The following BTD variants were observed in gnomAD, a reference collection of about 807,000 sequenced individuals.
BTD encodes biotinidase, also known as biocytinase.
A neutral mutation model predicts 17.7 loss-of-function variants in BTD; 13 were observed. The observed-to-expected ratio is 0.74, with a 90% CI of 0.48 to 1.17. The LOEUF (loss-of-function observed/expected upper bound fraction) is 1.17. BTD is among the 50% of genes most tolerant of loss of function. The pLI is 0.00. For missense variants in BTD, 674 were observed against 650.4 expected (o/e 1.04, Z -0.39); for synonymous variants, 240 against 245.2 (o/e 0.98, Z 0.20).
chr3:15,704,245 C>G (rs1280649284), intron 3 of BTD, among the ~76,000 whole-genome samples: 1 of 151,894 alleles, frequency 6.6e-6, no homozygotes, highest in Non-Finnish European at 1.5e-5. Flanking sequence ...GACTGTCTAC[C>G]AAGAACGCAG....
chr3:15,662,216 T>C (rs1199857937), intron 3 of BTD, among the ~76,000 whole-genome samples: 1 of 152,258 alleles, frequency 6.6e-6, no homozygotes, highest in Admixed American at 6.5e-5. Context: ...TGGCAAGAAC[T>C]GACATCTTAA....
At chr3:15,642,306 A>G (rs1433169596) in intron 3 of BTD, 1 of 1,389,592 alleles carries the variant, frequency 7.2e-7, no homozygotes, top group Non-Finnish European at 9.4e-7. Context: ...ATGTATACTT[A>G]AACCAAACCA....
At chr3:15,714,460 A>G (rs2072743608), downstream of BTD, 1 of 731,978 alleles carries the variant, frequency 1.4e-6, no homozygotes, top group Non-Finnish European at 2.2e-6. Context: ...GAAATCATGT[A>G]TTAAAAATAC....
At chr3:15,619,896 T>C (rs1434443386) in intron 1 of BTD, among the ~76,000 whole-genome samples, 6 of 152,174 alleles carry the variant, frequency 3.9e-5, no homozygotes, top group Non-Finnish European at 7.3e-5. Flanking sequence ...CAGCAAGTTT[T>C]TATTAAGGGT....
chr3:15,675,775 C>T (rs764813434), intron 3 of BTD: 1 of 792,164 alleles, frequency 1.3e-6, no homozygotes, highest in Non-Finnish European at 1.9e-6. Flanking sequence ...ACAAACTACT[C>T]TTCAATATTA....
At chr3:15,619,691 T>C (rs564384251) in intron 1 of BTD, among the ~76,000 whole-genome samples, 1 of 152,358 alleles carries the variant, frequency 6.6e-6, no homozygotes, top group African/African-American at 2.4e-5. Context: ...TGCTCTGTAG[T>C]TGTATTAGTC....
chr3:15,661,215 G>A (rs2065918744), intron 3 of BTD, among the ~76,000 whole-genome samples: 1 of 140,424 alleles, frequency 7.1e-6, no homozygotes, highest in South Asian at 2.3e-4. Flanking sequence ...GCAGTGGGTT[G>A]AGATCATGCC....
At chr3:15,696,584 G>A (rs994448080) in intron 3 of BTD, among the ~76,000 whole-genome samples, 4 of 151,950 alleles carry the variant, frequency 2.6e-5, no homozygotes, top group East Asian at 1.9e-4. Flanking sequence ...TAAACTTTTC[G>A]TGGTGGTGAG....
intron 1 of BTD, among the ~76,000 whole-genome samples, chr3:15,607,518 C>T (rs894117716): frequency 3.9e-5 from 6 of 152,226 alleles, no homozygotes; most frequent in Non-Finnish European, 8.8e-5. Flanking sequence ...GGCAGTAACT[C>T]TTAAAGCCCC....
chr3:15,714,905 AG>A (rs1307261109), downstream of BTD, among the ~76,000 whole-genome samples: 2 of 152,172 alleles, frequency 1.3e-5, no homozygotes, highest in Non-Finnish European at 2.9e-5. Flanking sequence ...TGGGACAGTA[AG>A]GATGTGTCTC....
At chr3:15,657,248 T>G (rs1374946689), downstream of BTD, among the ~76,000 whole-genome samples, 1 of 152,196 alleles carries the variant, frequency 6.6e-6, no homozygotes, top group Non-Finnish European at 1.5e-5. Flanking sequence ...CCTTCTAGAT[T>G]CAAGGAGAGG....
At chr3:15,671,006 G>T (rs1000614543) in intron 3 of BTD, among the ~76,000 whole-genome samples, 1 of 152,184 alleles carries the variant, frequency 6.6e-6, no homozygotes, top group Non-Finnish European at 1.5e-5. Flanking sequence ...TTGATGCTAA[G>T]AAATCTTAAA....
At chr3:15,633,053 C>T (rs1347229506) in intron 1 of BTD, among the ~76,000 whole-genome samples, 2 of 152,162 alleles carry the variant, frequency 1.3e-5, no homozygotes, top group East Asian at 1.9e-4. Flanking sequence ...TTACATGTAA[C>T]CTAAACACTT....
chr3:15,672,702 G>T (rs1182285036), intron 3 of BTD, among the ~76,000 whole-genome samples: 1 of 152,140 alleles, frequency 6.6e-6, no homozygotes, highest in Non-Finnish European at 1.5e-5. Flanking sequence ...GGATGAGAGC[G>T]GGAGTGGGGA....
intron 1 of BTD, among the ~76,000 whole-genome samples, chr3:15,604,888 A>G (rs939082051): frequency 9.8e-5 from 15 of 152,314 alleles, no homozygotes; most frequent in Middle Eastern, 3.4e-3. Flanking sequence ...CACTATCAGC[A>G]TTTTGGTCAA....
At chr3:15,631,364 T>G (rs747877097) in intron 1 of BTD, 160 of 1,121,668 alleles carry the variant, frequency 1.4e-4, no homozygotes, top group Non-Finnish European at 1.9e-4. Flanking sequence ...TTTTTTAATG[T>G]ATGTATCTGC....
intron 3 of BTD, among the ~76,000 whole-genome samples, chr3:15,697,718 T>C (rs1455982379): frequency 1.3e-5 from 2 of 152,194 alleles, no homozygotes; most frequent in Non-Finnish European, 2.9e-5. Context: ...TTCTCAAGGC[T>C]TTGGTATCAG....
chr3:15,619,260 A>T (rs2064878923), intron 1 of BTD, among the ~76,000 whole-genome samples: 1 of 152,172 alleles, frequency 6.6e-6, no homozygotes, highest in Admixed American at 6.5e-5. Flanking sequence ...TGGGTATTGT[A>T]CTTCGTCAAA....
At chr3:15,685,289 C>T (rs2067982727) in intron 3 of BTD, 2 of 1,613,826 alleles carry the variant, frequency 1.2e-6, no homozygotes, top group African/African-American at 1.3e-5. Flanking sequence ...GGATTTGCAT[C>T]CATAGATGCT....
Sources: allele counts gnomAD v4.1 joint callset (sites outside exome capture counted in the v4.1 genomes callset), GRCh38; gene constraint gnomAD v4.1.1; transcripts MANE v1.5; gene names NCBI Gene and HGNC (gene_info 2026-07-23, HGNC 2026-07-21).